Variants in MCHR2 observed in about 807,000 individuals in gnomAD.
The protein encoded by MCHR2 is melanin concentrating hormone receptor 2, also known as melanin-concentrating hormone receptor 2.
Under a neutral mutation model 24.8 loss-of-function variants are expected in MCHR2, and 15 were observed. The observed-to-expected ratio is 0.60, with a 90% CI of 0.40 to 0.93. The LOEUF is 0.93. Among genes scored for constraint, MCHR2 ranks in the 40% least tolerant of loss-of-function variants. The pLI, the probability that MCHR2 is intolerant of heterozygous loss-of-function variation, is 0.00. For missense variants in MCHR2, 386 were observed against 408.7 expected, an observed-to-expected ratio of 0.94 and a Z score of 0.48; for synonymous variants, 151 against 147.6, an observed-to-expected ratio of 1.02 and a Z score of -0.17.
intron 4 of MCHR2, 91 bp from the exon 5 acceptor site, chr6:99,934,608 T>C: frequency 4.2e-6 from 5 of 1,181,474 alleles, no homozygotes; most frequent in Non-Finnish European, 5.6e-6. Flanking sequence ...TTCCGAGGCA[T>C]AATTCTTTCA....
At chr6:99,968,939 T>A (rs1039582696) in intron 1 of MCHR2, among the ~76,000 whole-genome samples, 1 of 152,094 alleles carries the variant, frequency 6.6e-6, no homozygotes, top group Non-Finnish European at 1.5e-5. Context: ...AATGAAAATA[T>A]AGCATATAAA....
intron 5 of MCHR2, among the ~76,000 whole-genome samples, chr6:99,928,553 G>T (rs1320803122): frequency 1.3e-5 from 2 of 152,002 alleles, no homozygotes; most frequent in Non-Finnish European, 2.9e-5. Flanking sequence ...ACTTCTTCCT[G>T]GTTTAGTCTT....
intron 5 of MCHR2, among the ~76,000 whole-genome samples, chr6:99,922,925 A>G (rs965734985): frequency 6.6e-6 from 1 of 151,938 alleles, no homozygotes; most frequent in African/African-American, 2.4e-5. Flanking sequence ...TATTTCTGTG[A>G]AGAATATCAT....
chr6:99,974,922 G>A (rs868318035), intron 1 of MCHR2, among the ~76,000 whole-genome samples: 20 of 152,268 alleles, frequency 1.3e-4, no homozygotes, highest in African/African-American at 4.8e-4. Context: ...CTGCCTGATC[G>A]TTCCTCTGGA....
At chr6:99,965,097 T>C (rs1775269652) in intron 1 of MCHR2, among the ~76,000 whole-genome samples, 1 of 152,176 alleles carries the variant, frequency 6.6e-6, no homozygotes. Context: ...AACAATGTTC[T>C]GGCTTTCTTG....
At chr6:99,943,331 TATTTA>T (rs1774813791) in intron 3 of MCHR2, among the ~76,000 whole-genome samples, 188 bp from the exon 4 acceptor site, 1 of 150,582 alleles carries the variant, frequency 6.6e-6, no homozygotes, top group African/African-American at 2.4e-5. Context: ...AATTTTTATT[TATTTA>T]TTTTTATTAT....
At chr6:99,934,009 A>G (rs1774598833) in intron 5 of MCHR2, among the ~76,000 whole-genome samples, 1 of 152,076 alleles carries the variant, frequency 6.6e-6, no homozygotes, top group Non-Finnish European at 1.5e-5. Context: ...TTTCTCCTTT[A>G]AATTAAAAAA....
chr6:99,992,830 A>G (rs1775910432), intron 1 of MCHR2, among the ~76,000 whole-genome samples: 1 of 152,246 alleles, frequency 6.6e-6, no homozygotes, highest in South Asian at 2.1e-4. Flanking sequence ...CAATTGTGAC[A>G]TTAAACATAT....
intron 5 of MCHR2, among the ~76,000 whole-genome samples, chr6:99,925,198 T>C (rs1344625930): frequency 6.6e-6 from 1 of 152,162 alleles, no homozygotes; most frequent in Non-Finnish European, 1.5e-5. Flanking sequence ...TGAAATCTAT[T>C]TTGTCTGATA....
intron 1 of MCHR2, among the ~76,000 whole-genome samples, chr6:99,980,179 G>A (rs17059990): frequency 0.018 from 2,757 of 152,286 alleles, 70 homozygotes; most frequent in East Asian, 0.12. Context: ...GACTCCACCT[G>A]CTATGGGCCC....
chr6:99,930,609 C>G (rs941164178), intron 5 of MCHR2, among the ~76,000 whole-genome samples: 5 of 152,156 alleles, frequency 3.3e-5, no homozygotes, highest in African/African-American at 1.2e-4. Context: ...CACTGATACC[C>G]TTTCTTCCAA....
At chr6:99,987,415 T>G (rs1170789760) in intron 1 of MCHR2, among the ~76,000 whole-genome samples, 2 of 152,216 alleles carry the variant, frequency 1.3e-5, no homozygotes, top group Admixed American at 6.5e-5. Context: ...GTAATTAAAT[T>G]TTTTCACAGC....
rs1170567238 is a variant in MCHR2 at position 99,952,643 on chromosome 6, A to ATACAAAC, written c.182+3316_182+3322dup. 8.5e-5 allele frequency among the ~76,000 whole-genome samples: 13 copies of ATACAAAC among 152,284 alleles called. 1 individual carries two copies. The East Asian group carries it at 2.3e-3, about 27-fold the overall frequency. On this transcript the variant is annotated intron_variant, in intron 2 of 5. Coordinates refer to ENST00000281806, the MANE Select transcript of MCHR2 (RefSeq NM_001040179.2). The stretch of plus-strand genomic sequence containing the variant: ...ATGGCAAAGCATGATGAAAACATTA[A>ATACAAAC]TACAAACTGCCTTAAAATATTTAGA...
At chr6:99,986,578 C>A (rs1185588010) in intron 1 of MCHR2, among the ~76,000 whole-genome samples, 1 of 151,984 alleles carries the variant, frequency 6.6e-6, no homozygotes, top group Non-Finnish European at 1.5e-5. Context: ...AACAGAAAGT[C>A]AAAAACCACA....
At chr6:99,941,240 CTT>C (rs112421841) in intron 4 of MCHR2, among the ~76,000 whole-genome samples, 2 of 120,636 alleles carry the variant, frequency 1.7e-5, no homozygotes, top group Non-Finnish European at 1.6e-5. Context: ...GGCTTGGAGG[CTT>C]TTTTTTTTTT....
chr6:99,940,218 G>C (rs1190846187), intron 4 of MCHR2, among the ~76,000 whole-genome samples: 2 of 151,842 alleles, frequency 1.3e-5, no homozygotes. Context: ...ACACCGATAA[G>C]TCTTAGATTT....
chr6:99,960,581 A>G (rs1200723940), intron 1 of MCHR2, among the ~76,000 whole-genome samples: 1 of 152,188 alleles, frequency 6.6e-6, no homozygotes, highest in Non-Finnish European at 1.5e-5. Flanking sequence ...ACTTCAAACT[A>G]TACTACAAGG....
chr6:99,959,412 A>G (rs1775134823), intron 1 of MCHR2, among the ~76,000 whole-genome samples: 1 of 151,792 alleles, frequency 6.6e-6, no homozygotes, highest in South Asian at 2.1e-4. Context: ...GTCTACAAAG[A>G]CTGGGAGAGG....
At chr6:99,983,802 A>G (rs564955884) in intron 1 of MCHR2, among the ~76,000 whole-genome samples, 30 of 152,258 alleles carry the variant, frequency 2.0e-4, no homozygotes, top group African/African-American at 7.0e-4. Context: ...AACCTTTCTG[A>G]ACTGCTTTAT....
Sources: allele counts gnomAD v4.1 joint callset (sites outside exome capture counted in the v4.1 genomes callset), GRCh38; gene constraint gnomAD v4.1.1; transcripts MANE v1.5; gene names NCBI Gene and HGNC (gene_info 2026-07-23, HGNC 2026-07-21).